Variants in MBP observed in about 807,000 individuals in gnomAD.
MBP encodes Golli-MBP.
Under a neutral mutation model 35.8 loss-of-function variants are expected in MBP, and 16 were observed. That is an observed-to-expected ratio of 0.45 (90% confidence interval 0.30 to 0.68). MBP has a LOEUF of 0.68. Among genes scored for constraint, MBP ranks in the 30% least tolerant of loss-of-function variants. The pLI is 0.08. For synonymous variants in MBP, 143 were observed against 159.6 expected, an observed-to-expected ratio of 0.90 and a Z score of 0.78; for missense variants, 380 against 404.7, an observed-to-expected ratio of 0.94 and a Z score of 0.52.
intron 4 of MBP, 98 bp downstream of exon 4, chr18:77,016,734 C>A (rs1302110615): frequency 9.3e-6 from 14 of 1,512,836 alleles, no homozygotes; most frequent in Non-Finnish European, 1.2e-5. Context: ...CAGCAAGAGG[C>A]TACGTGCCAG....
chr18:76,979,795 G>T lies in MBP; in HGVS notation c.*632C>A. 2 of 599,924 alleles carry T rather than the reference G, an allele frequency of 3.3e-6. No homozygotes were observed. Among genetic ancestry groups the T allele is most frequent in the Non-Finnish European group, 5.9e-6 (2 of 337,172 alleles). 37.2% of individuals were successfully genotyped at this position (599,924 alleles called of 1,614,324 possible). A position where few individuals can be genotyped will look rare whatever the true frequency, so the allele number is the denominator to read the frequency against. ...CTAATTGGGGTGTGTGGGCAGCCAC[G>T]GCCTGGGGAGGTGGCCCCCTCTCTG... On this transcript the variant is annotated 3_prime_UTR_variant, in exon 9 of 9. Coordinates refer to ENST00000355994, the MANE Select transcript of MBP (RefSeq NM_001025101.2).
In MBP at chr18:77,101,179, G is replaced by A. The variant is rs1267609267; in HGVS notation, c.51+4032C>T. 6.6e-6 allele frequency among the ~76,000 whole-genome samples: 1 copy of A among 152,224 alleles called. No individual in the cohort carries two copies. The highest frequency in any genetic ancestry group is 1.5e-5 in the Non-Finnish European group (1 of 68,018). ...AGACAGGGCATCCCTCTGTGGGTGGGTCTTGCCCCCTGCCCCTCTCCTGGC... is the reference window on the plus strand; with the variant it reads ...AGACAGGGCATCCCTCTGTGGGTGGATCTTGCCCCCTGCCCCTCTCCTGGC... On this transcript the variant is annotated intron_variant, in intron 2 of 8. Coordinates refer to ENST00000355994, the MANE Select transcript of MBP (RefSeq NM_001025101.2). The surrounding 1 kb of genome is among the most constrained non-coding windows in gnomAD (Gnocchi z 4.3).
rs1975454364 is a variant in MBP, at chr18:77,090,361, C to G, written c.51+14850G>C. 2.0e-5 allele frequency among the ~76,000 whole-genome samples: 3 copies of G among 151,686 alleles called. No homozygotes were observed. In the South Asian group the frequency reaches 6.3e-4, roughly 32 times the overall value. ...CAACGTGCTATTCACACTCACGTGT[C>G]CATACCAAACAACACTGTTTGGATC... On this transcript the variant is annotated intron_variant, in intron 2 of 8. Coordinates refer to ENST00000355994, the MANE Select transcript of MBP (RefSeq NM_001025101.2).
intron 4 of MBP, chr18:77,015,453 G>A: frequency 1.0e-6 from 1 of 985,414 alleles, no homozygotes; most frequent in African/African-American, 1.7e-5. Context: ...TTAGAAATCG[G>A]TTAGAACACC....
chr18:77,054,120 G>A lies in MBP; in HGVS notation c.139+12178C>T, dbSNP rs534741186. Among the ~76,000 whole-genome samples, 5 of 152,332 alleles carry A rather than the reference G, an allele frequency of 3.3e-5. No individual in the cohort carries two copies. The East Asian group carries it at 5.8e-4, about 18-fold the overall frequency. ...CCGGTCCCTCCCCGCCCTGCCCTCC[G>A]ATGGCAGAGACTCTATGTGGAAGCC... On this transcript the variant is annotated intron_variant, in intron 3 of 8. Transcript: ENST00000355994.
intron 3 of MBP, among the ~76,000 whole-genome samples, chr18:77,018,143 A>C (rs1372349868): frequency 6.6e-6 from 1 of 152,012 alleles, no homozygotes; most frequent in African/African-American, 2.4e-5. Flanking sequence ...ATAACAGTCC[A>C]TTTACCCATC....
At chr18:76,986,061 G>A in intron 7 of MBP, 1 of 985,698 alleles carries the variant, frequency 1.0e-6, no homozygotes, top group Non-Finnish European at 1.2e-6. Context: ...GCTCGCTGTG[G>A]GAGTCTGGGC....
In MBP at chr18:77,049,455, A is replaced by G. The variant is rs566070060; in HGVS notation, c.139+16843T>C. On this transcript the variant is annotated intron_variant, in intron 3 of 8. Transcript: ENST00000355994. The stretch of plus-strand genomic sequence containing the variant: ...GGAATTTCTGCAAGTAGAGAGTCCA[A>G]AGCTATCTGAGGTAGCTGAAATGGG... Among the ~76,000 whole-genome samples the G allele has an allele frequency of 2.6e-5, 4 of 152,288 alleles. No individual in the cohort carries two copies. In the East Asian group the frequency reaches 5.8e-4, roughly 22 times the overall value.
chr18:77,091,667 C>T (rs527569345), intron 2 of MBP, among the ~76,000 whole-genome samples: 59 of 150,952 alleles, frequency 3.9e-4, no homozygotes, highest in African/African-American at 7.0e-4. Context: ...TGCACACATG[C>T]GTGAACACAC....
At chr18:77,128,865 T>C (rs1977146178) in intron 1 of MBP, among the ~76,000 whole-genome samples, 1 of 152,240 alleles carries the variant, frequency 6.6e-6, no homozygotes, top group South Asian at 2.1e-4. Context: ...TTCTAGATTA[T>C]TCTCTAACAT....
chr18:77,037,169 G>A (rs1414306829), intron 3 of MBP, among the ~76,000 whole-genome samples: 1 of 147,538 alleles, frequency 6.8e-6, no homozygotes, highest in African/African-American at 2.5e-5. Context: ...TGGAGACAGA[G>A]CTGAGCAAGT....
chr18:77,009,904 C>T lies in MBP; in HGVS notation c.576+6928G>A, dbSNP rs367640323. 238 of 1,593,760 alleles carry T rather than the reference C, an allele frequency of 1.5e-4. No individual in the cohort carries two copies. The African/African-American group carries it at 1.9e-3, about 13-fold the overall frequency. ...GCGGGCATGAGAGGGCAGAGGGCTC[C>T]GGCCCGGCTTTAGCCAGGGTACCTG... On this transcript the variant is annotated intron_variant, in intron 4 of 8. Coordinates refer to ENST00000355994, the MANE Select transcript of MBP (RefSeq NM_001025101.2).
intron 3 of MBP, among the ~76,000 whole-genome samples, chr18:77,029,944 A>G (rs1365767976): frequency 1.3e-5 from 2 of 152,164 alleles, no homozygotes; most frequent in Admixed American, 6.5e-5. Context: ...TGTAGGTCTG[A>G]CCCACACAGG....
intron 2 of MBP, among the ~76,000 whole-genome samples, chr18:77,071,472 A>G (rs955163200): frequency 6.6e-6 from 1 of 152,212 alleles, no homozygotes; most frequent in African/African-American, 2.4e-5. Flanking sequence ...GCTTTTAGCA[A>G]CCTGAAGCCA....
In MBP at chr18:76,979,713, G is replaced by C; in HGVS notation, c.*714C>G. The C allele has an allele frequency of 1.8e-6, 1 of 544,308 alleles. No homozygotes were observed. Among genetic ancestry groups the C allele is most frequent in the South Asian group, 2.3e-5 (1 of 44,276 alleles). The allele number at this position is 544,308 out of a possible 1,614,324, so 33.7% of individuals were successfully genotyped here. On this transcript the variant is annotated 3_prime_UTR_variant, in exon 9 of 9. Transcript: ENST00000355994. ...AGGAAGACCCTGTTTCCTATGTGAG[G>C]CCATTGCCCAGCCCACGTTTGCCTC...
chr18:77,043,637 T>C (rs565501017), intron 3 of MBP, among the ~76,000 whole-genome samples: 82 of 152,322 alleles, frequency 5.4e-4, no homozygotes, highest in African/African-American at 1.8e-3. Flanking sequence ...ATGCAGTGTA[T>C]GAAATGTCAT....
intron 1 of MBP, 84 bp downstream of exon 1, chr18:77,132,496 C>G (rs1977319178): frequency 6.6e-6 from 1 of 152,268 alleles, no homozygotes; most frequent in Non-Finnish European, 1.5e-5. Context: ...TCCGGGGTCC[C>G]GCCCAGGTCT....
chr18:76,998,677 C>A (rs1344959982), intron 4 of MBP, among the ~76,000 whole-genome samples: 1 of 152,144 alleles, frequency 6.6e-6, no homozygotes, highest in Non-Finnish European at 1.5e-5. Flanking sequence ...GGTCGACGTG[C>A]ATTTACATTT....
chr18:77,067,410 G>A (rs1242368967), intron 2 of MBP, among the ~76,000 whole-genome samples: 2 of 152,114 alleles, frequency 1.3e-5, no homozygotes, highest in African/African-American at 2.4e-5. Flanking sequence ...ACGTCATGTC[G>A]GCACGCACAG....
Sources: allele counts gnomAD v4.1 joint callset (sites outside exome capture counted in the v4.1 genomes callset), GRCh38; gene constraint gnomAD v4.1.1; non-coding constraint Gnocchi (gnomAD v3.1); transcripts MANE v1.5; gene names NCBI Gene and HGNC (gene_info 2026-07-23, HGNC 2026-07-21).